Variants in NASP observed in about 807,000 individuals in gnomAD.
NASP encodes the protein NASP histone chaperone.
In NASP, 24 loss-of-function variants were observed where a neutral mutation model predicts 89.5. The observed-to-expected ratio is 0.27, with a 90% confidence interval of 0.19 to 0.38. The LOEUF is 0.38. Ranked by LOEUF, NASP falls within the 10% of genes least tolerant of loss-of-function variation. The probability of loss-of-function intolerance (pLI) is 1.00; values close to 1 mark genes in which losing one functional copy is unlikely to be tolerated. For missense variants in NASP, 848 were observed against 921.4 expected (o/e 0.92, Z 1.03); for synonymous variants, 306 against 324.7 (o/e 0.94, Z 0.62).
chr1:45,599,578 C>T (rs1352740291), intron 2 of NASP, among the ~76,000 whole-genome samples: 1 of 152,102 alleles, frequency 6.6e-6, no homozygotes, highest in Non-Finnish European at 1.5e-5. Flanking sequence ...CAGGCACACA[C>T]CACCACGCCC....
At chr1:45,603,068 C>T (rs2148351808) in intron 3 of NASP, among the ~76,000 whole-genome samples, 1 of 152,306 alleles carries the variant, frequency 6.6e-6, no homozygotes, top group East Asian at 1.9e-4. Context: ...ACATTCTTAG[C>T]ACTGTTGTTG....
intron 2 of NASP, among the ~76,000 whole-genome samples, chr1:45,594,506 C>T (rs1643639941): frequency 6.6e-6 from 1 of 152,104 alleles, no homozygotes; most frequent in Non-Finnish European, 1.5e-5. Flanking sequence ...ATCCAAAACA[C>T]AGTGCTTGAT....
rs970035140 is a variant in NASP, at chr1:45,607,141, T to C, written c.410-180T>C. On this transcript the variant is annotated intron_variant, in intron 5 of 14. Transcript: ENST00000350030. Reference sequence around the variant, plus strand: ...AGCTTGGGTTTCTTTTGCAGTAAGTTGCTCTGCTAGCCGGGATGCTCCCTT... The same window carrying C: ...AGCTTGGGTTTCTTTTGCAGTAAGTCGCTCTGCTAGCCGGGATGCTCCCTT... 14 of 627,556 alleles carry C rather than the reference T, an allele frequency of 2.2e-5. No individual in the cohort carries two copies. The Admixed American group carries it at 2.4e-4, about 11-fold the overall frequency. The allele number at this position is 627,556 out of a possible 1,614,324, so 38.9% of individuals were successfully genotyped here. A position where few individuals can be genotyped will look rare whatever the true frequency, so the allele number is the denominator to read the frequency against.
chr1:45,607,025 T>C lies in NASP; in HGVS notation c.410-296T>C, dbSNP rs1011281663. 2.4e-4 allele frequency among the ~76,000 whole-genome samples: 37 copies of C among 152,196 alleles called. 1 individual carries two copies. Among genetic ancestry groups the C allele is most frequent in the African/African-American group, 8.7e-4 (36 of 41,454 alleles). The stretch of plus-strand genomic sequence containing the variant: ...TAAGCTGAATTTGGCTGCTATAGTT[T>C]TACATATCAGATGGGGGAGAATGAA... On this transcript the variant is annotated intron_variant, in intron 5 of 14. Coordinates refer to ENST00000350030, the MANE Select transcript of NASP (RefSeq NM_002482.4).
intron 2 of NASP, among the ~76,000 whole-genome samples, chr1:45,592,547 C>G (rs1219478805): frequency 6.6e-6 from 1 of 152,016 alleles, no homozygotes; most frequent in African/African-American, 2.4e-5. Context: ...TGGAGTCTCA[C>G]TCTGTCACCC....
intron 2 of NASP, among the ~76,000 whole-genome samples, chr1:45,592,078 C>T (rs1341246364): frequency 6.6e-6 from 1 of 152,188 alleles, no homozygotes; most frequent in East Asian, 1.9e-4. Context: ...ACATCTGCCT[C>T]CTGGGTTCAA....
At chr1:45,616,481 C>A in intron 12 of NASP, 88 bp downstream of exon 12, 1 of 1,525,382 alleles carries the variant, frequency 6.6e-7, no homozygotes, top group Non-Finnish European at 9.1e-7. Flanking sequence ...GAGGCCAAGG[C>A]AGGAAGATTG....
chr1:45,610,353 T>A (rs962107454), intron 6 of NASP: 3 of 152,170 alleles, frequency 2.0e-5, no homozygotes, highest in Non-Finnish European at 4.4e-5. Context: ...AAAGAAGAAA[T>A]GGGAGAAAGG....
At chr1:45,609,870 G>A (rs1406629914) in intron 6 of NASP, 1 of 152,168 alleles carries the variant, frequency 6.6e-6, no homozygotes, top group Non-Finnish European at 1.5e-5. Flanking sequence ...CATTGAAGAA[G>A]ACAGTGTTCA....
rs1644139403 is a variant in NASP, at chr1:45,618,111, T to C, written c.2337T>C (p.Ala779=). 3 of 1,601,254 alleles carry C rather than the reference T, an allele frequency of 1.9e-6. No individual in the cohort carries two copies. In the South Asian group the frequency reaches 3.4e-5, roughly 18 times the overall value. The change falls in exon 15 of 15, where the codon GCT becomes GCC. Residue 779 remains alanine, a synonymous_variant. Coordinates refer to ENST00000350030, the MANE Select transcript of NASP (RefSeq NM_002482.4). Reference sequence around the variant, plus strand: ...CAGCAGTGGAGGGGACAGTGGAGGCTGGAGCTACAGTTGAAAGCACTGCAT... The same window carrying C: ...CAGCAGTGGAGGGGACAGTGGAGGCCGGAGCTACAGTTGAAAGCACTGCAT... ...SRAAVEGTVE[A]GATVESTAC is the part of the protein sequence containing the mutation.
At chr1:45,592,537 T>G (rs1231654186) in intron 2 of NASP, among the ~76,000 whole-genome samples, 14 of 152,218 alleles carry the variant, frequency 9.2e-5, no homozygotes, top group Middle Eastern at 3.4e-3. Flanking sequence ...TTTTTTGAGA[T>G]GGAGTCTCAC....
chr1:45,617,758 A>C (rs1569627651), intron 14 of NASP, among the ~76,000 whole-genome samples, 167 bp downstream of exon 14: 1 of 152,302 alleles, frequency 6.6e-6, no homozygotes, highest in South Asian at 2.1e-4. Context: ...TGGTTATGGG[A>C]GTATAGGATG....
In NASP at chr1:45,587,687, T is replaced by TATATATATATATATATATATATATAAAA. The variant is rs66829841; in HGVS notation, c.59+3483_59+3484insTATATATATATATATATATATATAAAAA. 7.7e-5 allele frequency among the ~76,000 whole-genome samples: 6 copies of TATATATATATATATATATATATATAAAA among 78,196 alleles called. No homozygotes were observed. The South Asian group carries it at 1.6e-3, about 21-fold the overall frequency. 51.3% of individuals were successfully genotyped at this position (78,196 alleles called of 152,430 possible). On this transcript the variant is annotated intron_variant, in intron 1 of 14. Transcript: ENST00000350030. Reference sequence around the variant, plus strand: ...ATATATATATATATATATATATATATAATTAATTTTTTGGAGAGAGAGTCT... The same window carrying TATATATATATATATATATATATATAAAA: ...ATATATATATATATATATATATATATATATATATATATATATATATATATAAAAAATTAATTTTTTGGAGAGAGAGTCT...
At chr1:45,587,616 GTTAA>G (rs1217153502) in intron 1 of NASP, among the ~76,000 whole-genome samples, 1 of 133,674 alleles carries the variant, frequency 7.5e-6, no homozygotes, top group African/African-American at 2.8e-5. Context: ...CATACATTTT[GTTAA>G]TTCAACATTT....
At position 45,618,334 on chromosome 1, in the gene NASP, GT is replaced by G. The variant is rs1034323840; in HGVS notation, c.*195del. ...GTTTTATATATTAGCCAAAGGTTTTGTTCTGGCCTTCTGTACTGATCTGTGT... is the reference window on the plus strand; with the variant it reads ...GTTTTATATATTAGCCAAAGGTTTTGTCTGGCCTTCTGTACTGATCTGTGT... On this transcript the variant is annotated 3_prime_UTR_variant, in exon 15 of 15. Transcript: ENST00000350030. The G allele has an allele frequency of 1.9e-5, 10 of 514,796 alleles. No homozygotes were observed. The highest frequency in any genetic ancestry group is 3.2e-5 in the Non-Finnish European group (9 of 277,886). 31.9% of individuals were successfully genotyped at this position (514,796 alleles called of 1,614,324 possible). A position where few individuals can be genotyped will look rare whatever the true frequency, so the allele number is the denominator to read the frequency against.
At chr1:45,617,803 C>T (rs373784993) in intron 14 of NASP, among the ~76,000 whole-genome samples, 13 of 152,162 alleles carry the variant, frequency 8.5e-5, no homozygotes, top group Non-Finnish European at 1.6e-4. Context: ...TATTATAGGT[C>T]CCTCGATGAA....
intron 1 of NASP, among the ~76,000 whole-genome samples, chr1:45,587,735 T>G (rs1644578028): frequency 7.2e-6 from 1 of 139,058 alleles, no homozygotes; most frequent in South Asian, 2.4e-4. Flanking sequence ...CAAGCTGGAG[T>G]GTAGTGGCCA....
chr1:45,593,675 T>TC (rs1242912814), intron 2 of NASP, among the ~76,000 whole-genome samples: 3 of 151,164 alleles, frequency 2.0e-5, no homozygotes, highest in East Asian at 1.9e-4. Flanking sequence ...TTTTTTTTTT[T>TC]CTCTTAAACG....
intron 3 of NASP, among the ~76,000 whole-genome samples, chr1:45,603,345 A>G (rs1320005519): frequency 6.6e-6 from 1 of 152,242 alleles, no homozygotes; most frequent in East Asian, 1.9e-4. Flanking sequence ...ACAGTTGATT[A>G]CATTACATAT....
Sources: gnomAD v4.1 joint callset for allele counts (sites outside exome capture counted in the v4.1 genomes callset) on GRCh38, gnomAD v4.1.1 for gene constraint, MANE v1.5 for transcripts, NCBI Gene and HGNC (gene_info 2026-07-23, HGNC 2026-07-21) for gene names.